Variants in TRHDE observed in about 807,000 individuals in gnomAD.
TRHDE encodes thyrotropin releasing hormone degrading enzyme, also known as thyrotropin-releasing hormone-degrading ectoenzyme.
Under a neutral mutation model 125.7 loss-of-function variants are expected in TRHDE, and 72 were observed. The observed-to-expected ratio is 0.57, with a 90% CI of 0.47 to 0.70. TRHDE has a LOEUF of 0.70. Among genes scored for constraint, TRHDE ranks in the 30% least tolerant of loss-of-function variants. TRHDE has a pLI of 0.00. For missense variants in TRHDE, 1,110 were observed against 1,327.1 expected, an observed-to-expected ratio of 0.84 and a Z score of 2.54; for synonymous variants, 509 against 509.1, an observed-to-expected ratio of 1.00 and a Z score of 0.00.
upstream of TRHDE, among the ~76,000 whole-genome samples, chr12:72,268,562 G>A (rs1277113902): frequency 2.6e-5 from 4 of 151,986 alleles, no homozygotes; most frequent in Non-Finnish European, 4.4e-5. Context: ...TCTTTCCCCC[G>A]AGCCAAGCTG....
intron 3 of TRHDE, among the ~76,000 whole-genome samples, chr12:72,387,415 A>G (rs547001186): frequency 8.6e-5 from 13 of 151,554 alleles, no homozygotes; most frequent in African/African-American, 2.7e-4. Flanking sequence ...CAACCACCAT[A>G]CTCTTTTGCT....
At chr12:72,453,868 T>C (rs191244917) in intron 3 of TRHDE, among the ~76,000 whole-genome samples, 1 of 152,300 alleles carries the variant, frequency 6.6e-6, no homozygotes, top group South Asian at 2.1e-4. Flanking sequence ...GCAGGTACCA[T>C]GTTGTGTTAA....
chr12:72,364,023 T>G (rs1295234493), intron 2 of TRHDE, among the ~76,000 whole-genome samples: 2 of 152,056 alleles, frequency 1.3e-5, no homozygotes, highest in African/African-American at 4.8e-5. Flanking sequence ...CATTCACAAT[T>G]GCTTCAAAGA....
chr12:72,647,990 A>C (rs1406501946), intron 15 of TRHDE, among the ~76,000 whole-genome samples: 1 of 152,144 alleles, frequency 6.6e-6, no homozygotes, highest in Non-Finnish European at 1.5e-5. Flanking sequence ...ACCCCTATGC[A>C]GAAATCCTCT....
intron 2 of TRHDE, among the ~76,000 whole-genome samples, chr12:72,318,218 A>G (rs951317906): frequency 2.6e-5 from 4 of 152,034 alleles, no homozygotes; most frequent in African/African-American, 9.7e-5. Context: ...CTGGATTTGG[A>G]TCATGGTTGG....
intron 3 of TRHDE, among the ~76,000 whole-genome samples, chr12:72,442,914 A>G (rs1875087027): frequency 6.6e-6 from 1 of 151,906 alleles, no homozygotes; most frequent in South Asian, 2.1e-4. Flanking sequence ...ATAAGGACTC[A>G]CTTGTCACTT....
chr12:72,376,456 A>T (rs1438725959), intron 2 of TRHDE, among the ~76,000 whole-genome samples: 1 of 152,166 alleles, frequency 6.6e-6, no homozygotes, highest in Admixed American at 6.5e-5. Flanking sequence ...CTGCTGTTGC[A>T]GGTAGTCTCT....
At chr12:72,191,674 AAC>A (rs879060026) in intron 2 of TRHDE, among the ~76,000 whole-genome samples, 19 of 152,178 alleles carry the variant, frequency 1.2e-4, no homozygotes, top group Admixed American at 5.9e-4. Context: ...AATACTCAGA[AAC>A]AGAGTATAGA....
intron 16 of TRHDE, 141 bp downstream of exon 16, chr12:72,652,630 G>A: frequency 2.0e-6 from 1 of 491,330 alleles, no homozygotes. Context: ...AAACTGCCAT[G>A]TTAATGACTA....
chr12:72,286,323 G>C (rs1036488970), intron 1 of TRHDE, among the ~76,000 whole-genome samples: 1 of 152,186 alleles, frequency 6.6e-6, no homozygotes, highest in African/African-American at 2.4e-5. Flanking sequence ...ATGTTGTGCA[G>C]CTTCAGAGAA....
Position 72,414,636 on chromosome 12 carries a change from C to T in TRHDE, c.1315+36515C>T, listed in dbSNP as rs564659808. Among the ~76,000 whole-genome samples the T allele has an allele frequency of 2.6e-5, 4 of 152,158 alleles. No homozygotes were observed. In the South Asian group the frequency reaches 8.3e-4, roughly 32 times the overall value. ...ATCTTGGCAGTAAGGCTATTAATTA[C>T]TATAATAACCTACTAGAGGTGGCTA... On this transcript the variant is annotated intron_variant, in intron 3 of 18. Coordinates refer to ENST00000261180, the MANE Select transcript of TRHDE (RefSeq NM_013381.3).
intron 2 of TRHDE, among the ~76,000 whole-genome samples, chr12:72,196,730 G>T (rs149286370): frequency 2.7e-4 from 41 of 152,064 alleles, no homozygotes; most frequent in Admixed American, 4.6e-4. Context: ...CCCTCCACTT[G>T]TGTGTGATAT....
intron 1 of TRHDE, among the ~76,000 whole-genome samples, chr12:72,102,506 C>T (rs548454527): frequency 2.8e-4 from 43 of 152,296 alleles, no homozygotes; most frequent in African/African-American, 8.7e-4. Flanking sequence ...CCCAGCTTGA[C>T]GCTAACCTTA....
At chr12:72,560,560 G>T (rs7976677) in intron 7 of TRHDE, 40,510 of 152,084 alleles carry the variant, frequency 0.27, 8,147 homozygotes, top group African/African-American at 0.54. Flanking sequence ...GGTGGCTAAG[G>T]CCTGTAATCG....
intron 2 of TRHDE, among the ~76,000 whole-genome samples, chr12:72,112,611 T>C (rs1875343214): frequency 6.6e-6 from 1 of 152,166 alleles, no homozygotes; most frequent in South Asian, 2.1e-4. Context: ...TTCAACACAC[T>C]TTCATAGATA....
chr12:72,305,677 C>T (rs1868331435), intron 2 of TRHDE, among the ~76,000 whole-genome samples: 1 of 152,124 alleles, frequency 6.6e-6, no homozygotes, highest in Non-Finnish European at 1.5e-5. Context: ...ACTGGTTGGG[C>T]AATCCCAAGC....
At chr12:72,331,579 G>C (rs1449396143) in intron 2 of TRHDE, among the ~76,000 whole-genome samples, 1 of 152,208 alleles carries the variant, frequency 6.6e-6, no homozygotes, top group African/African-American at 2.4e-5. Context: ...GGTGGCATCA[G>C]GTATGGCTGA....
intron 2 of TRHDE, among the ~76,000 whole-genome samples, chr12:72,291,588 G>T (rs781315875): frequency 5.9e-5 from 9 of 152,192 alleles, no homozygotes; most frequent in Non-Finnish European, 1.0e-4. Context: ...AGCCAGTGTG[G>T]ATTAAAACCA....
At position 72,652,347 on chromosome 12, in the gene TRHDE, G is replaced by A. The variant is rs746911625; in HGVS notation, c.2701G>A (p.Val901Ile). 1.9e-6 allele frequency: 3 copies of A among 1,550,522 alleles called. No homozygotes were observed. Among genetic ancestry groups the A allele is most frequent in the East Asian group, 2.5e-5 (1 of 40,490 alleles). ...AATACCACTAAATGTTAGAGACATC[G>A]TATACTGTACAGGAGTGTCACTACT... ...NRIPLNVRDI[V>I]YCTGVSLLDE... Residue 901 changes from valine (V) to isoleucine (I), a missense_variant, in exon 16 of 19, where the codon GTA becomes ATA. Around this residue, in one of 5 missense-constraint regions of TRHDE, gnomAD observed 527 missense variants for 651.8 expected, o/e 0.81. Transcript: ENST00000261180.
Sources: gnomAD v4.1 joint callset for allele counts (sites outside exome capture counted in the v4.1 genomes callset) on GRCh38, gnomAD v4.1.1 for gene constraint, gnomAD v4.1.1 regional missense constraint, MANE v1.5 for transcripts, NCBI Gene and HGNC (gene_info 2026-07-23, HGNC 2026-07-21) for gene names.